Variants in SMC1B observed in about 807,000 individuals in gnomAD.
SMC1B encodes the protein structural maintenance of chromosomes protein 1B.
Under a neutral mutation model 157.9 loss-of-function variants are expected in SMC1B, and 60 were observed. The observed-to-expected ratio is 0.38, with a 90% CI of 0.31 to 0.47. The LOEUF (loss-of-function observed/expected upper bound fraction) is 0.47, where lower values mean the gene tolerates loss of function less well. Ranked by LOEUF, SMC1B falls within the 20% of genes least tolerant of loss-of-function variation. The pLI is 0.99. For synonymous variants in SMC1B, 445 were observed against 483.0 expected, an observed-to-expected ratio of 0.92 and a Z score of 1.03; for missense variants, 1,165 against 1,426.2, an observed-to-expected ratio of 0.82 and a Z score of 2.95.
intron 23 of SMC1B, among the ~76,000 whole-genome samples, chr22:45,348,955 C>T (rs1001221470): frequency 2.6e-5 from 4 of 151,864 alleles, no homozygotes; most frequent in Non-Finnish European, 4.4e-5. Context: ...CCACCCGCCT[C>T]AGCCTCCCGA....
At chr22:45,364,689 T>C (rs902676859) in intron 15 of SMC1B, among the ~76,000 whole-genome samples, 1 of 152,210 alleles carries the variant, frequency 6.6e-6, no homozygotes, top group African/African-American at 2.4e-5. Context: ...ATACAGATGA[T>C]GTAGAAGTGG....
intron 2 of SMC1B, among the ~76,000 whole-genome samples, chr22:45,408,421 G>A (rs775490456): frequency 5.9e-5 from 9 of 152,066 alleles, no homozygotes; most frequent in African/African-American, 1.2e-4. Context: ...CACCATACCC[G>A]ACCCTCCCTC....
rs1020583000 is a variant in SMC1B, at chr22:45,383,678, T to A, written c.1912-65A>T. On this transcript the variant is annotated intron_variant, in intron 11 of 24. Coordinates refer to ENST00000357450, the MANE Select transcript of SMC1B (RefSeq NM_148674.5). ...TAAAGATACAAATAAAGACACAATG[T>A]GTCAATTTTTAAAGCTAAGAATAAA... The A allele has an allele frequency of 2.2e-6, 3 of 1,344,212 alleles. No homozygotes were observed. The Admixed American group carries it at 7.8e-5, about 35-fold the overall frequency. The allele number at this position is 1,344,212 out of a possible 1,614,324, so 83.3% of individuals were successfully genotyped here.
rs529026804 is a variant in SMC1B, at chr22:45,344,309, T to C, written c.*247A>G. 205 of 281,720 alleles carry C rather than the reference T, an allele frequency of 7.3e-4. 1 individual carries two copies. The highest frequency in any genetic ancestry group is 4.0e-3 in the African/African-American group (184 of 46,024). 17.5% of individuals were successfully genotyped at this position (281,720 alleles called of 1,614,324 possible). A position where few individuals can be genotyped will look rare whatever the true frequency, so the allele number is the denominator to read the frequency against. On this transcript the variant is annotated 3_prime_UTR_variant, in exon 25 of 25. Transcript: ENST00000357450. Reference sequence around the variant, plus strand: ...TAGAAGTTAGAATTATAGTACAAAATTGTACCTTTTGTTTGTTTTTTAAAA... The same window carrying C: ...TAGAAGTTAGAATTATAGTACAAAACTGTACCTTTTGTTTGTTTTTTAAAA...
chr22:45,371,739 T>C lies in SMC1B; in HGVS notation c.2197-152A>G, dbSNP rs554169609. ...AAAAGGTTAAATACCACATAAATAA[T>C]TAAGGGACTATAATATAATCTCAAT... On this transcript the variant is annotated intron_variant, in intron 13 of 24. Transcript: ENST00000357450. 7.9e-6 allele frequency: 8 copies of C among 1,010,086 alleles called. No individual in the cohort carries two copies. The East Asian group carries it at 1.6e-4, about 20-fold the overall frequency. 62.6% of individuals were successfully genotyped at this position (1,010,086 alleles called of 1,614,324 possible).
At chr22:45,372,337 A>T (rs2086841637) in intron 12 of SMC1B, 45 bp from the exon 13 acceptor site, 3 of 1,515,254 alleles carry the variant, frequency 2.0e-6, no homozygotes, top group Non-Finnish European at 2.7e-6. Flanking sequence ...ATAGAAAAGC[A>T]CTTTCACTTT....
chr22:45,393,585 C>G (rs2087086246), intron 9 of SMC1B, 49 bp downstream of exon 9: 1 of 1,397,666 alleles, frequency 7.2e-7, no homozygotes, highest in African/African-American at 1.5e-5. Context: ...TGAAAGCAAA[C>G]AGGAAAGCTT....
rs9626312 is a variant in SMC1B at position 45,345,483 on chromosome 22, G to A, written c.3582C>T (p.Asp1194=). ...SLKEEFYSRA[D]ALIGIYPEYD... ...CCTCAGGATAGATGCCGATCAGCGC[G>A]TCGGCTCTGGAATAGAACTCTTCTT... The change falls in exon 24 of 25, where the codon GAC becomes GAT. Residue 1194 remains aspartate, a synonymous_variant. Transcript: ENST00000357450. 1.4e-3 allele frequency: 2,303 copies of A among 1,613,120 alleles called. 23 individuals carry two copies. The African/African-American group carries it at 0.026, about 18-fold the overall frequency.
At chr22:45,357,012 C>T (rs572594960) in intron 19 of SMC1B, among the ~76,000 whole-genome samples, 51 of 152,254 alleles carry the variant, frequency 3.3e-4, no homozygotes, top group African/African-American at 1.0e-3. Flanking sequence ...GGATTACAGG[C>T]GTGAGCCACC....
rs2086737075 is a variant in SMC1B at position 45,363,045 on chromosome 22, G to A, written c.2421-19C>T. On this transcript the variant is annotated intron_variant, in intron 15 of 24. Coordinates refer to ENST00000357450, the MANE Select transcript of SMC1B (RefSeq NM_148674.5). Reference sequence around the variant, plus strand: ...TTCTAATCTAGTATAATAAAGTCAAGCATTACAAGTGTAAACAGAAAACTT... The same window carrying A: ...TTCTAATCTAGTATAATAAAGTCAAACATTACAAGTGTAAACAGAAAACTT... The A allele has an allele frequency of 1.3e-6, 2 of 1,528,398 alleles. No homozygotes were observed. The highest frequency in any genetic ancestry group is 2.3e-5 in the East Asian group (1 of 42,784). The allele number at this position is 1,528,398 out of a possible 1,614,324, so 94.7% of individuals were successfully genotyped here. A position where few individuals can be genotyped will look rare whatever the true frequency, so the allele number is the denominator to read the frequency against.
In SMC1B at chr22:45,387,014, A is replaced by G. The variant is rs1392052892; in HGVS notation, c.1764T>C (p.Leu588=). The G allele has an allele frequency of 6.2e-7, 1 of 1,613,772 alleles. No homozygotes were observed. The highest frequency in any genetic ancestry group is 8.5e-7 in the Non-Finnish European group (1 of 1,179,814). ...IKPINERLRE[L]KGCKMVIDVI... ...CATCAATCACCATTTTACAGCCTTT[A>G]AGCTCCCTTAGTCTTTCATTGATTG... The change falls in exon 11 of 25, where the codon CTT becomes CTC. Residue 588 remains leucine (L), a synonymous_variant. Coordinates refer to ENST00000357450, the MANE Select transcript of SMC1B (RefSeq NM_148674.5).
chr22:45,381,469 T>C (rs181909318), intron 12 of SMC1B, among the ~76,000 whole-genome samples: 7 of 152,278 alleles, frequency 4.6e-5, no homozygotes, highest in Admixed American at 1.3e-4. Flanking sequence ...GCTAAGCTAA[T>C]ATTTAGCTTC....
chr22:45,344,452 G>A lies in SMC1B; in HGVS notation c.*104C>T. On this transcript the variant is annotated 3_prime_UTR_variant, in exon 25 of 25. Coordinates refer to ENST00000357450, the MANE Select transcript of SMC1B (RefSeq NM_148674.5). The stretch of plus-strand genomic sequence containing the variant: ...ACGACTAAGGTTTCTCTTAAAGGGT[G>A]CACCAGGCTGGTCCTGCTTGCTCCA... 1 of 755,326 alleles carries A rather than the reference G, an allele frequency of 1.3e-6. No individual in the cohort carries two copies. Among genetic ancestry groups the A allele is most frequent in the South Asian group, 1.8e-5 (1 of 56,824 alleles). The allele number at this position is 755,326 out of a possible 1,614,324, so 46.8% of individuals were successfully genotyped here. A position where few individuals can be genotyped will look rare whatever the true frequency, so the allele number is the denominator to read the frequency against.
chr22:45,412,990 G>C (rs541307975), intron 1 of SMC1B, among the ~76,000 whole-genome samples: 1 of 152,328 alleles, frequency 6.6e-6, no homozygotes, highest in Admixed American at 6.5e-5. Context: ...CCCGAAGCAG[G>C]AGTGAGGGCA....
chr22:45,377,088 A>C (rs2086890492), intron 12 of SMC1B, among the ~76,000 whole-genome samples: 1 of 152,216 alleles, frequency 6.6e-6, no homozygotes, highest in South Asian at 2.1e-4. Context: ...TTTTTTGTTC[A>C]ATCTTGGTAA....
intron 2 of SMC1B, among the ~76,000 whole-genome samples, chr22:45,407,996 G>GA (rs2087283416): frequency 6.6e-6 from 1 of 152,104 alleles, no homozygotes; most frequent in Non-Finnish European, 1.5e-5. Context: ...TTTGGTGGTA[G>GA]AAAAAACTGT....
At chr22:45,412,885 G>T (rs553105584) in intron 1 of SMC1B, among the ~76,000 whole-genome samples, 2 of 152,292 alleles carry the variant, frequency 1.3e-5, no homozygotes, top group South Asian at 4.1e-4. Context: ...TGGCTGCTTG[G>T]AACCCATTAC....
chr22:45,351,371 T>C (rs1224320811), intron 22 of SMC1B, among the ~76,000 whole-genome samples: 1 of 152,200 alleles, frequency 6.6e-6, no homozygotes, highest in African/African-American at 2.4e-5. Flanking sequence ...CTGTCTGATT[T>C]TGCTCAGATG....
At chr22:45,407,820 T>C (rs908748641) in intron 2 of SMC1B, among the ~76,000 whole-genome samples, 2 of 152,114 alleles carry the variant, frequency 1.3e-5, no homozygotes, top group Admixed American at 6.6e-5. Flanking sequence ...TCTACCCCTG[T>C]CACATGTGAA....
Sources: allele counts gnomAD v4.1 joint callset (sites outside exome capture counted in the v4.1 genomes callset), GRCh38; gene constraint gnomAD v4.1.1; transcripts MANE v1.5; gene names NCBI Gene and HGNC (gene_info 2026-07-23, HGNC 2026-07-21).